The following MAPT variants were observed in gnomAD, a reference collection of about 807,000 sequenced individuals.
MAPT encodes the protein microtubule-associated protein tau.
In MAPT, 34 loss-of-function variants were observed where a neutral mutation model predicts 67.9. The observed-to-expected ratio is 0.50, with a 90% CI of 0.38 to 0.67. The LOEUF is 0.67. Ranked by LOEUF, MAPT falls within the 30% of genes least tolerant of loss-of-function variation. The pLI is 0.00. For synonymous variants in MAPT, 456 were observed against 464.5 expected (o/e 0.98, Z 0.23); for missense variants, 881 against 1,115.2 (o/e 0.79, Z 2.99).
chr17:45,993,784 C>A, intron 8 of MAPT: 5 of 753,696 alleles, frequency 6.6e-6, no homozygotes, highest in Admixed American at 4.5e-5. Context: ...GTGGAGAGAC[C>A]CTCCCCCTTG....
rs76841006 is a variant in MAPT, at chr17:45,969,954, C to T, written c.134-1905C>T. 3.4e-3 allele frequency among the ~76,000 whole-genome samples: 522 copies of T among 152,042 alleles called. 2 individuals are homozygous for T. The highest frequency in any genetic ancestry group is 0.012 in the African/African-American group (494 of 41,414). On this transcript the variant is annotated intron_variant, in intron 2 of 12. Coordinates refer to ENST00000262410, the MANE Select transcript of MAPT (RefSeq NM_001377265.1). ...TACATCATCCATTCATCCATCCATC[C>T]ATCCATCCACCCATATCTTCATCCA...
chr17:45,986,168 A>G (rs2073516448), intron 5 of MAPT, among the ~76,000 whole-genome samples: 1 of 152,210 alleles, frequency 6.6e-6, no homozygotes. Flanking sequence ...TTGGGGAAGC[A>G]GTGAGAATTC....
chr17:46,002,101 G>C (rs984870635), intron 9 of MAPT, among the ~76,000 whole-genome samples: 4 of 152,198 alleles, frequency 2.6e-5, no homozygotes, highest in African/African-American at 9.7e-5. Flanking sequence ...AGCACTAAGG[G>C]GTGTGAAGCT....
At chr17:46,006,165 T>C (rs546524769) in intron 9 of MAPT, among the ~76,000 whole-genome samples, 2 of 152,204 alleles carry the variant, frequency 1.3e-5, no homozygotes, top group Non-Finnish European at 2.9e-5. Context: ...CTATTCACAA[T>C]AGCCAAGATT....
At chr17:45,969,567 ATCC>A (rs1476169298) in intron 2 of MAPT, among the ~76,000 whole-genome samples, 7,743 of 151,010 alleles carry the variant, frequency 0.051, 1,981 homozygotes, top group Middle Eastern at 0.1. Flanking sequence ...CCATTCATCC[ATCC>A]ATCCACCCAT....
In MAPT at chr17:45,912,062, G is replaced by A. The variant is rs190062842; in HGVS notation, c.-18+17376G>A. On this transcript the variant is annotated intron_variant, in intron 1 of 12. Transcript: ENST00000262410. ...GATCTTGATGAACAGGGCTGGGTCT[G>A]TGGACTGGGCCTCTCCCCACCACAC... Among the ~76,000 whole-genome samples the A allele has an allele frequency of 3.6e-3, 549 of 152,356 alleles. 2 individuals are homozygous for A. Among genetic ancestry groups the A allele is most frequent in the African/African-American group, 0.013 (523 of 41,582 alleles).
chr17:45,933,157 A>G (rs1307754506), intron 1 of MAPT, among the ~76,000 whole-genome samples: 1 of 151,624 alleles, frequency 6.6e-6, no homozygotes, highest in Non-Finnish European at 1.5e-5. Flanking sequence ...TATCACTGGC[A>G]TTGTTTAGGA....
intron 1 of MAPT, among the ~76,000 whole-genome samples, chr17:45,947,963 C>A (rs2068672409): frequency 6.6e-6 from 1 of 152,070 alleles, no homozygotes; most frequent in African/African-American, 2.4e-5. Context: ...CTAGGGCTAA[C>A]CATAGTTAAC....
chr17:45,984,559 C>T (rs972733718), intron 5 of MAPT, among the ~76,000 whole-genome samples: 22 of 152,330 alleles, frequency 1.4e-4, no homozygotes, highest in South Asian at 6.2e-4. Context: ...AGAGGTGGCC[C>T]AGAGCTCATG....
chr17:45,902,805 G>C (rs2063707590), intron 1 of MAPT, among the ~76,000 whole-genome samples: 1 of 152,198 alleles, frequency 6.6e-6, no homozygotes, highest in South Asian at 2.1e-4. Context: ...AAATCAGCAA[G>C]TGAGAATTAA....
At chr17:46,001,041 C>A (rs1483127660) in intron 9 of MAPT, among the ~76,000 whole-genome samples, 1 of 152,142 alleles carries the variant, frequency 6.6e-6, no homozygotes, top group Non-Finnish European at 1.5e-5. Context: ...CCAGCCTGGG[C>A]AACATAGGGA....
intron 1 of MAPT, among the ~76,000 whole-genome samples, chr17:45,901,932 A>G (rs1432767992): frequency 2.3e-5 from 3 of 133,078 alleles, no homozygotes; most frequent in Admixed American, 7.6e-5. Context: ...TTTTTTTTTC[A>G]TGGTCTTTAC....
chr17:45,945,762 G>A (rs1042623877), intron 1 of MAPT, among the ~76,000 whole-genome samples: 2 of 152,098 alleles, frequency 1.3e-5, no homozygotes, highest in Admixed American at 6.6e-5. Flanking sequence ...GCAGTGAGCC[G>A]AGATCGCACC....
At chr17:46,002,581 C>T (rs2075090058) in intron 9 of MAPT, among the ~76,000 whole-genome samples, 1 of 151,806 alleles carries the variant, frequency 6.6e-6, no homozygotes, top group African/African-American at 2.4e-5. Flanking sequence ...ATGTCCAGGC[C>T]AATAGTTGGG....
intron 3 of MAPT, chr17:45,974,327 T>G (rs2072067879): frequency 1.6e-6 from 2 of 1,259,274 alleles, no homozygotes; most frequent in East Asian, 2.4e-5. Context: ...GAAGCAAAGG[T>G]GAGGGGCTGG....
intron 1 of MAPT, among the ~76,000 whole-genome samples, chr17:45,929,109 A>C (rs533204690): frequency 6.6e-6 from 1 of 152,082 alleles, no homozygotes; most frequent in Non-Finnish European, 1.5e-5. Context: ...GAATAAATAA[A>C]CCCCAAAAAA....
At chr17:46,022,585 T>C (rs1187319488) in intron 12 of MAPT, among the ~76,000 whole-genome samples, 2 of 152,114 alleles carry the variant, frequency 1.3e-5, no homozygotes, top group Non-Finnish European at 2.9e-5. Flanking sequence ...TGTGCACACA[T>C]ATTTTTGGCT....
intron 1 of MAPT, among the ~76,000 whole-genome samples, chr17:45,933,168 T>C (rs1433180806): frequency 6.6e-6 from 1 of 152,038 alleles, no homozygotes; most frequent in Non-Finnish European, 1.5e-5. Flanking sequence ...TTGTTTAGGA[T>C]TGCAGGCACA....
At chr17:45,980,501 C>G (rs1000138350) in intron 4 of MAPT, 4 of 100,900 alleles carry the variant, frequency 4.0e-5, no homozygotes, top group Admixed American at 1.1e-4. Flanking sequence ...GAGTGAGACT[C>G]TGTTTAAAAA....
Sources: gnomAD v4.1 joint callset for allele counts (sites outside exome capture counted in the v4.1 genomes callset) on GRCh38, gnomAD v4.1.1 for gene constraint, MANE v1.5 for transcripts, NCBI Gene and HGNC (gene_info 2026-07-23, HGNC 2026-07-21) for gene names.